The following ZNF506 variants were observed in gnomAD, a reference collection of about 807,000 sequenced individuals.
ZNF506 encodes zinc finger protein 506.
A neutral mutation model predicts 11.6 loss-of-function variants in ZNF506; 10 were observed. That is an observed-to-expected ratio of 0.86 (90% CI 0.53 to 1.46). The LOEUF (loss-of-function observed/expected upper bound fraction) is 1.46, where lower values mean the gene tolerates loss of function less well. Ranked by LOEUF, ZNF506 falls within the 40% of genes most tolerant of loss-of-function variation. The probability of loss-of-function intolerance (pLI) is 0.00; values close to 1 mark genes in which losing one functional copy is unlikely to be tolerated. For missense variants in ZNF506, 425 were observed against 521.2 expected (o/e 0.82, Z 1.80); for synonymous variants, 156 against 173.3 (o/e 0.90, Z 0.78).
At chr19:19,797,050 A>T (rs1381539979) in intron 3 of ZNF506, 1 of 152,232 alleles carries the variant, frequency 6.6e-6, no homozygotes, top group East Asian at 1.9e-4. Flanking sequence ...AATCTCAAAG[A>T]TTACAATGTA....
chr19:19,805,911 C>G, intron 3 of ZNF506, 120 bp downstream of exon 3: 1 of 858,186 alleles, frequency 1.2e-6, no homozygotes, highest in Non-Finnish European at 1.8e-6. Flanking sequence ...AAAAAAGCTG[C>G]CCAGGAACTA....
chr19:19,817,451 A>G (rs114759716), intron 1 of ZNF506, among the ~76,000 whole-genome samples: 4,322 of 149,646 alleles, frequency 0.029, 123 homozygotes, highest in African/African-American at 0.07. Flanking sequence ...TTTTTTTTAC[A>G]AAGTCTAGAA....
At chr19:19,801,757 A>G in intron 3 of ZNF506, among the ~76,000 whole-genome samples, 1 of 148,638 alleles carries the variant, frequency 6.7e-6, no homozygotes, top group African/African-American at 2.5e-5. Context: ...CACCACTGCA[A>G]TCCAGCCTGG....
intron 3 of ZNF506, among the ~76,000 whole-genome samples, chr19:19,799,656 C>A (rs898075335): frequency 6.6e-6 from 1 of 151,946 alleles, no homozygotes; most frequent in East Asian, 1.9e-4. Context: ...TGCCTGTTAC[C>A]CCAGCACTTT....
chr19:19,815,511 T>G (rs1275165211), intron 1 of ZNF506, among the ~76,000 whole-genome samples: 1 of 152,182 alleles, frequency 6.6e-6, no homozygotes, highest in Non-Finnish European at 1.5e-5. Flanking sequence ...TGACAGCCTG[T>G]GTACGACAGA....
chr19:19,803,103 A>G (rs1360435394), intron 3 of ZNF506, among the ~76,000 whole-genome samples: 1 of 152,254 alleles, frequency 6.6e-6, no homozygotes, highest in Admixed American at 6.5e-5. Flanking sequence ...GCAGGCCCTC[A>G]TTCAGGTGGG....
rs185654549 is a variant in ZNF506 at position 19,801,647 on chromosome 19, C to T, written c.226+4384G>A. Among the ~76,000 whole-genome samples, 14 of 151,684 alleles carry T rather than the reference C, an allele frequency of 9.2e-5. No individual in the cohort carries two copies. The East Asian group carries it at 1.2e-3, about 13-fold the overall frequency. On this transcript the variant is annotated intron_variant, in intron 3 of 3. Coordinates refer to ENST00000540806, the MANE Select transcript of ZNF506 (RefSeq NM_001099269.3). ...CTCGACTAAAAATACACAAATTAGC[C>T]GGCTGTGGTGGCGGGTGCTTGTAGT... is the stretch of plus-strand genomic sequence containing the variant.
intron 1 of ZNF506, among the ~76,000 whole-genome samples, chr19:19,816,580 G>A (rs766175112): frequency 1.2e-4 from 18 of 151,978 alleles, no homozygotes; most frequent in African/African-American, 1.7e-4. Context: ...GGATGGTCTC[G>A]ATCTCCTGAC....
At chr19:19,819,397 T>G (rs1292491737) in intron 1 of ZNF506, among the ~76,000 whole-genome samples, 2 of 148,996 alleles carry the variant, frequency 1.3e-5, no homozygotes, top group African/African-American at 4.9e-5. Context: ...AAGAAAAAAG[T>G]GCACCAGGAT....
At chr19:19,806,008 T>C in intron 3 of ZNF506, 23 bp downstream of exon 3, 1 of 1,582,312 alleles carries the variant, frequency 6.3e-7, no homozygotes, top group Non-Finnish European at 8.6e-7. Context: ...TTGTCTGTCC[T>C]ATTCATTTTC....
intron 3 of ZNF506, among the ~76,000 whole-genome samples, chr19:19,804,504 C>T (rs2145186472): frequency 6.6e-6 from 1 of 152,228 alleles, no homozygotes; most frequent in South Asian, 2.1e-4. Flanking sequence ...ACTAGTTCAA[C>T]CATTGTGGAA....
chr19:19,808,338 T>C (rs959736140), intron 1 of ZNF506, among the ~76,000 whole-genome samples: 3 of 149,168 alleles, frequency 2.0e-5, no homozygotes, highest in African/African-American at 4.9e-5. Flanking sequence ...TTAGCCAGGA[T>C]GGTCTCGATT....
chr19:19,795,505 T>C lies in ZNF506; in HGVS notation c.382A>G (p.Arg128Gly). Residue 128 changes from arginine to glycine, a missense_variant, in exon 4 of 4, where the codon AGA becomes GGA. Coordinates refer to ENST00000540806, the MANE Select transcript of ZNF506 (RefSeq NM_001099269.3). ...CATTGTTTAAGTCCATTATAACCTC[T>C]TTTGTGCACTGGACACTCATCTACA... ...ESVDECPVHK[R>G]GYNGLKQCLA... 6.3e-7 allele frequency: 1 copy of C among 1,599,642 alleles called. No individual in the cohort carries two copies. The highest frequency in any genetic ancestry group is 8.5e-7 in the Non-Finnish European group (1 of 1,175,030).
chr19:19,800,399 T>C (rs933505229), intron 3 of ZNF506, among the ~76,000 whole-genome samples: 1 of 146,588 alleles, frequency 6.8e-6, no homozygotes, highest in East Asian at 2.0e-4. Context: ...AGAATATATA[T>C]ATATATATAT....
In ZNF506 at chr19:19,795,276, T is replaced by A; in HGVS notation, c.611A>T (p.Glu204Val). ...IDAGEKRYKCEECGKAYKQSS... is the reference protein window; with the variant it reads ...IDAGEKRYKCVECGKAYKQSS... Reference sequence around the variant, plus strand: ...CTGCTTATAGGCTTTACCACATTCTTCACATTTATAGCGTTTCTCTCCAGC... The same window carrying A: ...CTGCTTATAGGCTTTACCACATTCTACACATTTATAGCGTTTCTCTCCAGC... Residue 204 changes from glutamate to valine, a missense_variant, in exon 4 of 4, where the codon GAA becomes GTA. Physicochemically the swap from Glu to Val is moderately radical, Grantham distance 121 (BLOSUM62 -2). This residue lies in a region of ZNF506 where 226 missense variants were observed against 279.1 expected (regional missense o/e 0.81). Coordinates refer to ENST00000540806, the MANE Select transcript of ZNF506 (RefSeq NM_001099269.3). 6.2e-7 allele frequency: 1 copy of A among 1,614,036 alleles called. No homozygotes were observed. The highest frequency in any genetic ancestry group is 8.5e-7 in the Non-Finnish European group (1 of 1,179,986).
At chr19:19,813,442 C>T (rs1599525675) in intron 1 of ZNF506, among the ~76,000 whole-genome samples, 2 of 152,240 alleles carry the variant, frequency 1.3e-5, no homozygotes, top group South Asian at 4.1e-4. Context: ...AATGCTTATA[C>T]TCTGCTGGTA....
At position 19,806,065 on chromosome 19, in the gene ZNF506, A is replaced by G. The variant is rs530401783; in HGVS notation, c.192T>C (p.Thr64=). The G allele has an allele frequency of 1.1e-5, 18 of 1,609,768 alleles. No homozygotes were observed. In the African/African-American group the frequency reaches 2.4e-4, roughly 22 times the overall value. Residue 64 remains threonine (T), a synonymous_variant, in exon 3 of 4, where the codon ACT becomes ACC. Coordinates refer to ENST00000540806, the MANE Select transcript of ZNF506 (RefSeq NM_001099269.3). ...TGGCAATCATCTCATGCCTCTTCAT[A>G]GTTAAAGGTTTTTTTCCTTGCTCCA... ...TCLEQGKKPL[T]MKRHEMIAKP...
rs1434640419 is a variant in ZNF506, at chr19:19,805,958, A to C, written c.226+73T>G. The C allele has an allele frequency of 5.5e-6, 7 of 1,271,284 alleles. No individual in the cohort carries two copies. In the Admixed American group the frequency reaches 1.6e-4, roughly 29 times the overall value. 78.8% of individuals were successfully genotyped at this position (1,271,284 alleles called of 1,614,324 possible). A position where few individuals can be genotyped will look rare whatever the true frequency, so the allele number is the denominator to read the frequency against. On this transcript the variant is annotated intron_variant, in intron 3 of 3. Coordinates refer to ENST00000540806, the MANE Select transcript of ZNF506 (RefSeq NM_001099269.3). ...ACACAGCTTCCCAAATCACATTTTA[A>C]GGACTCGCTTTCTCTTTGACCTTGG...
intron 3 of ZNF506, chr19:19,797,559 CAA>C (rs1200883950): frequency 6.8e-6 from 1 of 147,776 alleles, no homozygotes. Context: ...AAATAGAAAA[CAA>C]AAATTGTGGG....
Sources: allele counts gnomAD v4.1 joint callset (sites outside exome capture counted in the v4.1 genomes callset), GRCh38; gene constraint gnomAD v4.1.1; regional missense constraint gnomAD v4.1.1; transcripts MANE v1.5; gene names NCBI Gene and HGNC (gene_info 2026-07-23, HGNC 2026-07-21).